TNFSF4: variants seen among roughly 807,000 people sequenced by gnomAD.
TNFSF4 encodes tumor necrosis factor ligand superfamily member 4.
TNFSF4 carries 4 observed loss-of-function variants against 7.3 expected under a neutral mutation model. The ratio of observed to expected loss-of-function variants is 0.55; its 90% confidence interval spans 0.27 to 1.25. The LOEUF is 1.25. Ranked by LOEUF, TNFSF4 falls within the 50% of genes most tolerant of loss-of-function variation. The pLI is 0.12. For synonymous variants in TNFSF4, 76 were observed against 83.7 expected, an observed-to-expected ratio of 0.91 and a Z score of 0.50; for missense variants, 181 against 208.8, an observed-to-expected ratio of 0.87 and a Z score of 0.82.
chr1:173,362,591 T>C, the TNFSF4 span: 18 of 514,746 alleles, frequency 3.5e-5, no homozygotes, highest in African/African-American at 1.4e-4. Flanking sequence ...AGTTCAACAG[T>C]TGCCAACTCC....
chr1:173,372,651 A>G, the TNFSF4 span, among the ~76,000 whole-genome samples: 1 of 152,162 alleles, frequency 6.6e-6, no homozygotes, highest in Admixed American at 6.5e-5. Flanking sequence ...TGTCTGGACT[A>G]CTCATGATGT....
At chr1:173,178,522 T>C in the TNFSF4 span, among the ~76,000 whole-genome samples, 120 of 152,184 alleles carry the variant, frequency 7.9e-4, no homozygotes, top group Middle Eastern at 6.8e-3. Flanking sequence ...TTCAGGGAGC[T>C]GAGATGGCGC....
the TNFSF4 span, among the ~76,000 whole-genome samples, chr1:173,355,398 A>G: frequency 2.6e-5 from 4 of 152,156 alleles, no homozygotes; most frequent in African/African-American, 7.2e-5. Flanking sequence ...ATACTGGCTG[A>G]CTCATCATTA....
the TNFSF4 span, among the ~76,000 whole-genome samples, chr1:173,379,364 C>T: frequency 1.3e-5 from 2 of 152,058 alleles, no homozygotes; most frequent in African/African-American, 4.8e-5. Context: ...TCCCCTTCTC[C>T]CTCTCTGATT....
the TNFSF4 span, among the ~76,000 whole-genome samples, chr1:173,428,030 C>T: frequency 6.6e-6 from 1 of 150,648 alleles, no homozygotes; most frequent in Non-Finnish European, 1.5e-5. Context: ...TCACTGCAAC[C>T]TTCACCTCCC....
the TNFSF4 span, among the ~76,000 whole-genome samples, chr1:173,292,770 T>C: frequency 6.6e-6 from 1 of 152,088 alleles, no homozygotes; most frequent in Non-Finnish European, 1.5e-5. Flanking sequence ...AAAAGGGTCC[T>C]AGAACTGAAA....
At chr1:173,302,161 C>T in the TNFSF4 span, among the ~76,000 whole-genome samples, 11 of 151,960 alleles carry the variant, frequency 7.2e-5, no homozygotes, top group Non-Finnish European at 1.6e-4. Context: ...ATGATATCCA[C>T]TAGGACAAAT....
the TNFSF4 span, among the ~76,000 whole-genome samples, chr1:173,314,104 ATACACT>A: frequency 6.6e-6 from 1 of 152,098 alleles, no homozygotes; most frequent in Non-Finnish European, 1.5e-5. Context: ...ATTATAATAA[ATACACT>A]TAAACCCACA....
chr1:173,328,942 A>G, the TNFSF4 span, among the ~76,000 whole-genome samples: 5 of 152,238 alleles, frequency 3.3e-5, no homozygotes, highest in South Asian at 8.3e-4. Flanking sequence ...CATTTTAAGT[A>G]AGGATTATGA....
chr1:173,360,042 G>C, the TNFSF4 span, among the ~76,000 whole-genome samples: 1 of 152,196 alleles, frequency 6.6e-6, no homozygotes, highest in African/African-American at 2.4e-5. Context: ...GTCCACCCTG[G>C]CTATGATGGC....
chr1:173,190,176 C>T (rs962049952), intron 1 of TNFSF4, among the ~76,000 whole-genome samples: 12 of 152,150 alleles, frequency 7.9e-5, no homozygotes, highest in Admixed American at 3.9e-4. Flanking sequence ...ACGCTCCATC[C>T]TGAGGGACAT....
At chr1:173,241,120 A>ATAAACTTTT in the TNFSF4 span, among the ~76,000 whole-genome samples, 1 of 152,194 alleles carries the variant, frequency 6.6e-6, no homozygotes, top group African/African-American at 2.4e-5. Context: ...TTTCTACAAA[A>ATAAACTTTT]GTCAAGAAAA....
chr1:173,258,770 G>A, the TNFSF4 span, among the ~76,000 whole-genome samples: 1,391 of 152,208 alleles, frequency 9.1e-3, 10 homozygotes, highest in Non-Finnish European at 0.014. Flanking sequence ...ACCCAGATCC[G>A]TCCCTCCTCA....
At chr1:173,278,680 A>C in the TNFSF4 span, among the ~76,000 whole-genome samples, 5 of 152,112 alleles carry the variant, frequency 3.3e-5, no homozygotes, top group African/African-American at 1.2e-4. Context: ...CTTTCCACAC[A>C]AACGATGTTT....
chr1:173,326,523 C>T, the TNFSF4 span, among the ~76,000 whole-genome samples: 1 of 152,000 alleles, frequency 6.6e-6, no homozygotes, highest in Non-Finnish European at 1.5e-5. Context: ...CCAGGGCAAT[C>T]AGGCAGGAGA....
At chr1:173,287,823 AAG>A in the TNFSF4 span, among the ~76,000 whole-genome samples, 1 of 152,198 alleles carries the variant, frequency 6.6e-6, no homozygotes, top group African/African-American at 2.4e-5. Flanking sequence ...TAATTATATA[AAG>A]TTCAAAACCA....
At chr1:173,431,845 C>T in the TNFSF4 span, among the ~76,000 whole-genome samples, 1 of 152,088 alleles carries the variant, frequency 6.6e-6, no homozygotes, top group East Asian at 1.9e-4. Flanking sequence ...ACTTCCTCAG[C>T]AGATGAGTTC....
the TNFSF4 span, among the ~76,000 whole-genome samples, chr1:173,341,391 G>A: frequency 6.6e-6 from 1 of 152,136 alleles, no homozygotes; most frequent in Admixed American, 6.6e-5. Context: ...GAGACAGCAG[G>A]TCTTTGTATT....
the TNFSF4 span, among the ~76,000 whole-genome samples, chr1:173,347,246 G>A: frequency 1.3e-5 from 2 of 152,278 alleles, no homozygotes; most frequent in Non-Finnish European, 2.9e-5. Flanking sequence ...TTGTAAAATT[G>A]GCAGACATCT....
Sources: gnomAD v4.1 joint callset for allele counts (sites outside exome capture counted in the v4.1 genomes callset) on GRCh38, gnomAD v4.1.1 for gene constraint, MANE v1.5 for transcripts, NCBI Gene and HGNC (gene_info 2026-07-23, HGNC 2026-07-21) for gene names.